Variants in KIAA2012 observed in about 807,000 individuals in gnomAD.
KIAA2012 encodes KIAA2012.
KIAA2012 carries 125 observed loss-of-function variants against 150.6 expected under a neutral mutation model. That is an observed-to-expected ratio of 0.83 (90% CI 0.72 to 0.96). The LOEUF (loss-of-function observed/expected upper bound fraction) is 0.96. Ranked by LOEUF, KIAA2012 falls within the 40% of genes least tolerant of loss-of-function variation. The pLI is 0.00. For synonymous variants in KIAA2012, 462 were observed against 504.7 expected (o/e 0.92, Z 1.13); for missense variants, 1,219 against 1,354.9 (o/e 0.90, Z 1.57).
chr2:202,081,767 G>T lies in KIAA2012; in HGVS notation c.369+6592G>T, dbSNP rs535623985. Reference sequence around the variant, plus strand: ...TCTCCATGTTGGTCAGGCTGGTCTCGAACTCCCAACCTCAGGTGATCTGCC... The same window carrying T: ...TCTCCATGTTGGTCAGGCTGGTCTCTAACTCCCAACCTCAGGTGATCTGCC... On this transcript the variant is annotated intron_variant, in intron 2 of 23. Coordinates refer to ENST00000498697, the MANE Select transcript of KIAA2012 (RefSeq NM_001277372.4). 9.2e-5 allele frequency among the ~76,000 whole-genome samples: 14 copies of T among 151,994 alleles called. No individual in the cohort carries two copies. The South Asian group carries it at 2.7e-3, about 29-fold the overall frequency.
intron 7 of KIAA2012, among the ~76,000 whole-genome samples, chr2:202,102,107 A>T (rs1288502367): frequency 1.3e-5 from 2 of 152,132 alleles, no homozygotes; most frequent in African/African-American, 2.4e-5. Flanking sequence ...AGAAATTTTC[A>T]GCAACCTCTG....
At chr2:202,170,299 G>A (rs1421533356) in intron 15 of KIAA2012, among the ~76,000 whole-genome samples, 1 of 152,126 alleles carries the variant, frequency 6.6e-6, no homozygotes, top group Admixed American at 6.5e-5. Context: ...TCCACTTCCT[G>A]ATCTGAAAAT....
Position 202,097,550 on chromosome 2 carries a change from C to G in KIAA2012, c.801C>G (p.Pro267=). ...GTRLPPRRKQ[P]WQEDETQAED... ...GCTTGCCACCACGCAGGAAGCAGCC[C>G]TGGCAGGAAGATGAAACGCAGGCAG... Residue 267 remains proline, a synonymous_variant, in exon 5 of 24, where the codon CCC becomes CCG. Transcript: ENST00000498697. 1 of 1,550,040 alleles carries G rather than the reference C, an allele frequency of 6.5e-7. No individual in the cohort carries two copies. The highest frequency in any genetic ancestry group is 1.2e-5 in the South Asian group (1 of 84,012).
chr2:202,156,711 C>T (rs1022519615), intron 14 of KIAA2012, among the ~76,000 whole-genome samples: 8 of 152,154 alleles, frequency 5.3e-5, no homozygotes, highest in Admixed American at 2.6e-4. Context: ...CGGTGAAACC[C>T]CATCTCTACT....
At chr2:202,191,017 G>A (rs1039521914) in intron 19 of KIAA2012, among the ~76,000 whole-genome samples, 1 of 152,182 alleles carries the variant, frequency 6.6e-6, no homozygotes, top group Non-Finnish European at 1.5e-5. Flanking sequence ...GGTAGTTCAC[G>A]CCTGTAATCC....
intron 14 of KIAA2012, among the ~76,000 whole-genome samples, chr2:202,159,379 C>CAAA (rs202173796): frequency 8.7e-6 from 1 of 115,586 alleles, no homozygotes. Flanking sequence ...GTTCTATTTC[C>CAAA]AAAAAAAAAA....
rs1271898765 is a variant in KIAA2012 at position 202,190,439 on chromosome 2, T to C, written c.2757T>C (p.Thr919=). Residue 919 remains threonine, a synonymous_variant, in exon 19 of 24, where the codon ACT becomes ACC. Coordinates refer to ENST00000498697, the MANE Select transcript of KIAA2012 (RefSeq NM_001277372.4). ...DGRSSPSQIA[T]VTGNMESKEE... The stretch of plus-strand genomic sequence containing the variant: ...GATCATCACCCTCTCAGATTGCAAC[T>C]GTCACTGGCAACATGGAATCTAAAG... The C allele has an allele frequency of 6.5e-7, 1 of 1,547,772 alleles. No individual in the cohort carries two copies. The highest frequency in any genetic ancestry group is 8.7e-7 in the Non-Finnish European group (1 of 1,145,372).
At chr2:202,081,242 A>G (rs1484730998) in intron 2 of KIAA2012, among the ~76,000 whole-genome samples, 2 of 152,184 alleles carry the variant, frequency 1.3e-5, no homozygotes, top group African/African-American at 4.8e-5. Flanking sequence ...TTGTTTTTCC[A>G]TTCTTCCATC....
intron 2 of KIAA2012, among the ~76,000 whole-genome samples, chr2:202,083,622 CATT>C (rs1689499037): frequency 6.6e-6 from 1 of 152,220 alleles, no homozygotes; most frequent in African/African-American, 2.4e-5. Context: ...AAAATGCAGA[CATT>C]ATTGGGTTTT....
In KIAA2012 at chr2:202,125,260, TA is replaced by T; in HGVS notation, c.1810del (p.Ser604ValfsTer6). The T allele has an allele frequency of 6.5e-7, 1 of 1,550,342 alleles. No individual in the cohort carries two copies. The highest frequency in any genetic ancestry group is 8.7e-7 in the Non-Finnish European group (1 of 1,146,792). On this transcript the variant is annotated frameshift_variant, in exon 12 of 24. Transcript: ENST00000498697. LOFTEE classifies it high-confidence loss of function. ...ATATCAGCCATGAAGAGGAAGGGCC[TA>T]GTAGTCAGCATTTCCTAAAAGGTAA... The part of the protein sequence containing the change: ...SNISHEEEGP[S>X]SQHFLKANTE...
At chr2:202,125,616 T>G (rs1489357009) in intron 12 of KIAA2012, among the ~76,000 whole-genome samples, 3 of 152,008 alleles carry the variant, frequency 2.0e-5, no homozygotes, top group South Asian at 4.2e-4. Flanking sequence ...AATAATGAGG[T>G]AGACATTGTC....
intron 15 of KIAA2012, among the ~76,000 whole-genome samples, chr2:202,168,287 C>T (rs985201457): frequency 1.3e-5 from 2 of 151,544 alleles, no homozygotes; most frequent in Non-Finnish European, 2.9e-5. Context: ...GGTGTGGTGG[C>T]ACGTGCCTGT....
intron 4 of KIAA2012, among the ~76,000 whole-genome samples, chr2:202,094,474 T>G (rs1265384025): frequency 6.6e-6 from 1 of 152,044 alleles, no homozygotes; most frequent in Non-Finnish European, 1.5e-5. Context: ...TTGAGTCTTT[T>G]TTTTCTTTTT....
chr2:202,125,383 C>A, intron 12 of KIAA2012, 101 bp downstream of exon 12: 1 of 830,122 alleles, frequency 1.2e-6, no homozygotes, highest in Non-Finnish European at 1.9e-6. Flanking sequence ...CAATTTCTCC[C>A]CAAATATACC....
intron 14 of KIAA2012, among the ~76,000 whole-genome samples, chr2:202,156,774 A>G (rs1226941088): frequency 6.6e-6 from 1 of 152,084 alleles, no homozygotes; most frequent in Non-Finnish European, 1.5e-5. Flanking sequence ...AGTCCCAGCT[A>G]CTCGGGAGGC....
chr2:202,099,945 ACT>A, intron 6 of KIAA2012, 149 bp downstream of exon 6: 1 of 758,428 alleles, frequency 1.3e-6, no homozygotes. Context: ...TGGGAATGAG[ACT>A]CTGGCAGGCT....
chr2:202,167,686 T>A (rs1285557989), intron 15 of KIAA2012, among the ~76,000 whole-genome samples: 2 of 151,868 alleles, frequency 1.3e-5, no homozygotes. Flanking sequence ...TCTAAAAATT[T>A]TTTTTTAATT....
chr2:202,077,775 A>C (rs985464727), intron 2 of KIAA2012, among the ~76,000 whole-genome samples: 1 of 152,204 alleles, frequency 6.6e-6, no homozygotes, highest in African/African-American at 2.4e-5. Flanking sequence ...GTTCAAGACC[A>C]GCCTGGGCAA....
intron 12 of KIAA2012, among the ~76,000 whole-genome samples, chr2:202,130,108 G>C (rs1370813628): frequency 6.6e-6 from 1 of 152,124 alleles, no homozygotes; most frequent in Non-Finnish European, 1.5e-5. Context: ...GCTGACTGCT[G>C]GGACTCGTGA....
Sources: allele counts gnomAD v4.1 joint callset (sites outside exome capture counted in the v4.1 genomes callset), GRCh38; gene constraint gnomAD v4.1.1; transcripts MANE v1.5; gene names NCBI Gene and HGNC (gene_info 2026-07-23, HGNC 2026-07-21).